The following DCT variants were observed in gnomAD, a reference collection of about 807,000 sequenced individuals.
The protein encoded by DCT is L-dopachrome tautomerase.
Under a neutral mutation model 53.0 loss-of-function variants are expected in DCT, and 47 were observed. The observed-to-expected ratio is 0.89, with a 90% CI of 0.70 to 1.13. The LOEUF (loss-of-function observed/expected upper bound fraction) is 1.13. DCT is among the 50% of genes most tolerant of loss of function. The pLI, the probability that DCT is intolerant of heterozygous loss-of-function variation, is 0.00. For missense variants in DCT, 669 were observed against 637.4 expected, an observed-to-expected ratio of 1.05 and a Z score of -0.53; for synonymous variants, 244 against 237.0, an observed-to-expected ratio of 1.03 and a Z score of -0.27.
intron 1 of DCT, among the ~76,000 whole-genome samples, chr13:94,474,937 T>A (rs1884977018): frequency 6.6e-6 from 1 of 152,210 alleles, no homozygotes; most frequent in Non-Finnish European, 1.5e-5. Context: ...TCATCAATAG[T>A]CTGTTACAAG....
At chr13:94,474,918 C>G (rs1884975979) in intron 1 of DCT, among the ~76,000 whole-genome samples, 1 of 152,110 alleles carries the variant, frequency 6.6e-6, no homozygotes, top group South Asian at 2.1e-4. Context: ...GAATTAACAA[C>G]ATTTGGGGTC....
At chr13:94,446,600 T>C (rs1041276282) in intron 6 of DCT, among the ~76,000 whole-genome samples, 7 of 152,214 alleles carry the variant, frequency 4.6e-5, no homozygotes, top group Non-Finnish European at 1.0e-4. Context: ...AACAAAGTAC[T>C]ACAGACTGGG....
Position 94,465,624 on chromosome 13 carries a change from A to G in DCT, c.863+9T>C, listed in dbSNP as rs1224163866. Reference sequence around the variant, plus strand: ...CTCTGGATGCCATTGCAGGTACAGGAGCCATTACCTATCACAGACAGTTTC... The same window carrying G: ...CTCTGGATGCCATTGCAGGTACAGGGGCCATTACCTATCACAGACAGTTTC... On this transcript the variant is annotated intron_variant, in intron 4 of 7. Coordinates refer to ENST00000377028, the MANE Select transcript of DCT (RefSeq NM_001922.5). 6.2e-7 allele frequency: 1 copy of G among 1,612,366 alleles called. No homozygotes were observed.
At chr13:94,473,228 T>G (rs572593435) in intron 1 of DCT, among the ~76,000 whole-genome samples, 48 of 152,340 alleles carry the variant, frequency 3.2e-4, no homozygotes, top group Admixed American at 3.1e-3. Context: ...ACTTCGAATA[T>G]CCATATGACT....
the DCT span, among the ~76,000 whole-genome samples, chr13:94,488,786 CAT>C: frequency 2.7e-5 from 4 of 150,920 alleles, no homozygotes; most frequent in African/African-American, 9.7e-5. Flanking sequence ...TATATACATA[CAT>C]ATACACACAC....
chr13:94,496,392 C>A, the DCT span, among the ~76,000 whole-genome samples: 3 of 152,200 alleles, frequency 2.0e-5, no homozygotes, highest in Admixed American at 2.0e-4. Flanking sequence ...CAGGATTTCA[C>A]CATGTTGGCC....
At chr13:94,525,951 G>A in the DCT span, among the ~76,000 whole-genome samples, 1 of 152,202 alleles carries the variant, frequency 6.6e-6, no homozygotes, top group African/African-American at 2.4e-5. Context: ...TCTGTAAACT[G>A]CTCTTCATTT....
the DCT span, among the ~76,000 whole-genome samples, chr13:94,512,303 A>G: frequency 2.0e-5 from 3 of 152,212 alleles, no homozygotes; most frequent in African/African-American, 7.2e-5. Flanking sequence ...AGCGTGGCCT[A>G]GGACTGTGCT....
the DCT span, among the ~76,000 whole-genome samples, chr13:94,525,477 G>C: frequency 6.6e-6 from 1 of 152,112 alleles, no homozygotes; most frequent in Non-Finnish European, 1.5e-5. Flanking sequence ...AGCAAATACA[G>C]GCTCCATCCC....
the DCT span, among the ~76,000 whole-genome samples, chr13:94,488,472 T>C: frequency 6.6e-6 from 1 of 152,072 alleles, no homozygotes; most frequent in African/African-American, 2.4e-5. Flanking sequence ...CTCGGCACTT[T>C]GGGAGGCTGA....
the DCT span, among the ~76,000 whole-genome samples, chr13:94,540,845 C>T: frequency 3.3e-5 from 5 of 152,210 alleles, no homozygotes; most frequent in African/African-American, 9.6e-5. Context: ...AATGTCTGCA[C>T]TCCCATGCTT....
chr13:94,494,949 G>A, the DCT span, among the ~76,000 whole-genome samples: 2 of 152,058 alleles, frequency 1.3e-5, no homozygotes, highest in East Asian at 1.9e-4. Flanking sequence ...TAATTTCCCT[G>A]TTTTTGAATA....
chr13:94,483,257 G>C (rs1189862724), upstream of DCT, among the ~76,000 whole-genome samples: 1 of 151,468 alleles, frequency 6.6e-6, no homozygotes, highest in African/African-American at 2.4e-5. Flanking sequence ...CCTGCAGAAA[G>C]GAGTGAGACC....
At chr13:94,481,965 C>G (rs1885461227), upstream of DCT, among the ~76,000 whole-genome samples, 1 of 152,152 alleles carries the variant, frequency 6.6e-6, no homozygotes, top group African/African-American at 2.4e-5. Flanking sequence ...AAAGTGTGGC[C>G]AACAGATCCG....
chr13:94,475,500 G>A (rs1205924458), intron 1 of DCT, among the ~76,000 whole-genome samples: 3 of 152,160 alleles, frequency 2.0e-5, no homozygotes, highest in Admixed American at 1.3e-4. Context: ...AGAAGTACAC[G>A]ACGGAATTGT....
intron 2 of DCT, chr13:94,467,578 TA>T (rs1471154477): frequency 6.6e-6 from 1 of 152,162 alleles, no homozygotes; most frequent in Non-Finnish European, 1.5e-5. Flanking sequence ...TATCTATCGA[TA>T]AAGACAGACA....
intron 1 of DCT, among the ~76,000 whole-genome samples, chr13:94,477,660 T>TAAA (rs35869304): frequency 2.9e-4 from 44 of 150,914 alleles, no homozygotes; most frequent in Non-Finnish European, 4.9e-4. Flanking sequence ...AAGTTAAAAT[T>TAAA]AAAAAAAAAA....
In DCT at chr13:94,465,811, G is replaced by A; in HGVS notation, c.697-12C>T. On this transcript the variant is annotated splice_polypyrimidine_tract_variant and intron_variant, in intron 3 of 7. Coordinates refer to ENST00000377028, the MANE Select transcript of DCT (RefSeq NM_001922.5). ...TTGCCAATGAGTCGCTAAAAGCAAA[G>A]GGCAGGCCTAGTCATTTAATCCATG... 6.2e-7 allele frequency: 1 copy of A among 1,606,714 alleles called. No homozygotes were observed. The highest frequency in any genetic ancestry group is 8.5e-7 in the Non-Finnish European group (1 of 1,176,136).
chr13:94,483,733 CTCAGGT>C (rs1885544095), upstream of DCT, among the ~76,000 whole-genome samples: 1 of 152,146 alleles, frequency 6.6e-6, no homozygotes, highest in Admixed American at 6.5e-5. Context: ...AACTCCTGAC[CTCAGGT>C]GATCCTCCCA....
Sources: allele counts gnomAD v4.1 joint callset (sites outside exome capture counted in the v4.1 genomes callset), GRCh38; gene constraint gnomAD v4.1.1; transcripts MANE v1.5; gene names NCBI Gene and HGNC (gene_info 2026-07-23, HGNC 2026-07-21).